The following PATJ variants were observed in gnomAD, a reference collection of about 807,000 sequenced individuals.
PATJ encodes the protein PATJ crumbs cell polarity complex component.
PATJ carries 190 observed loss-of-function variants against 224.9 expected under a neutral mutation model. The ratio of observed to expected loss-of-function variants is 0.84; its 90% CI spans 0.75 to 0.95. The LOEUF (loss-of-function observed/expected upper bound fraction) is 0.95. PATJ is among the 40% of genes least tolerant of loss of function. The pLI is 0.00. For missense variants in PATJ, 2,121 were observed against 2,270.3 expected, an observed-to-expected ratio of 0.93 and a Z score of 1.34; for synonymous variants, 769 against 820.3, an observed-to-expected ratio of 0.94 and a Z score of 1.07.
intron 21 of PATJ, among the ~76,000 whole-genome samples, chr1:61,875,713 G>C (rs1439391543): frequency 1.3e-5 from 2 of 151,992 alleles, no homozygotes; most frequent in Non-Finnish European, 2.9e-5. Flanking sequence ...AAGTAATATT[G>C]CTAGCTCATT....
intron 41 of PATJ, among the ~76,000 whole-genome samples, chr1:62,147,008 T>C (rs1414122664): frequency 1.3e-5 from 2 of 151,992 alleles, no homozygotes; most frequent in African/African-American, 4.8e-5. Flanking sequence ...AGACGTCCCA[T>C]AGATGTCTAT....
chr1:61,957,947 C>T (rs1413632555), intron 27 of PATJ, among the ~76,000 whole-genome samples: 1 of 152,066 alleles, frequency 6.6e-6, no homozygotes, highest in Non-Finnish European at 1.5e-5. Context: ...TTCTACAAAC[C>T]AAGGATAATG....
chr1:62,068,006 C>G (rs1391907545), intron 31 of PATJ, among the ~76,000 whole-genome samples: 3 of 152,004 alleles, frequency 2.0e-5, no homozygotes, highest in Non-Finnish European at 2.9e-5. Flanking sequence ...TCACCGTGTT[C>G]CCTAGGCCAG....
chr1:61,756,487 C>T (rs79110355), intron 1 of PATJ, among the ~76,000 whole-genome samples: 2,141 of 150,378 alleles, frequency 0.014, 52 homozygotes, highest in African/African-American at 0.05. Flanking sequence ...ACAAGCCCTA[C>T]AGGTGATTCT....
At chr1:61,976,727 G>T (rs1475005104) in intron 27 of PATJ, among the ~76,000 whole-genome samples, 1 of 151,796 alleles carries the variant, frequency 6.6e-6, no homozygotes. Flanking sequence ...TTTTTTAGTT[G>T]TGAAAATTTT....
At chr1:61,746,001 G>C (rs530184930) in intron 1 of PATJ, among the ~76,000 whole-genome samples, 2 of 152,050 alleles carry the variant, frequency 1.3e-5, no homozygotes, top group South Asian at 4.2e-4. Flanking sequence ...GCAGTGCCGC[G>C]ATCTCCACCC....
Position 62,116,613 on chromosome 1 carries a change from G to A in PATJ, c.4737G>A (p.Gln1579=). ...ATGGGAGATTGATTCAGGGAGATCA[G>A]ATCTTATCTGTGAATGGGGAGGACA... The part of the protein sequence containing the change: ...DLDGRLIQGD[Q]ILSVNGEDMR... Residue 1579 remains glutamine (Q), a synonymous_variant, in exon 36 of 44, where the codon CAG becomes CAA. Transcript: ENST00000642238. 1 of 1,614,090 alleles carries A rather than the reference G, an allele frequency of 6.2e-7. No individual in the cohort carries two copies.
At chr1:62,011,271 CCTCA>C (rs922447539) in intron 28 of PATJ, among the ~76,000 whole-genome samples, 1 of 152,228 alleles carries the variant, frequency 6.6e-6, no homozygotes, top group African/African-American at 2.4e-5. Flanking sequence ...GACATGCCTT[CCTCA>C]CTAAGTTTCA....
At chr1:61,889,605 T>C (rs908040840) in intron 22 of PATJ, among the ~76,000 whole-genome samples, 1 of 152,134 alleles carries the variant, frequency 6.6e-6, no homozygotes, top group Non-Finnish European at 1.5e-5. Context: ...ATCAAATAGA[T>C]CAGTACTGCA....
At chr1:62,123,819 A>T (rs1204626667) in intron 39 of PATJ, among the ~76,000 whole-genome samples, 1 of 107,890 alleles carries the variant, frequency 9.3e-6, no homozygotes, top group African/African-American at 4.3e-5. Flanking sequence ...ATTATTGAAC[A>T]ATTAGCATAT....
intron 31 of PATJ, among the ~76,000 whole-genome samples, chr1:62,060,972 G>C (rs1553255541): frequency 6.6e-6 from 1 of 151,210 alleles, no homozygotes; most frequent in Non-Finnish European, 1.5e-5. Context: ...GATTACAGGA[G>C]TGAGCCACCA....
At chr1:61,798,107 G>T (rs1369398710) in intron 11 of PATJ, among the ~76,000 whole-genome samples, 1 of 152,112 alleles carries the variant, frequency 6.6e-6, no homozygotes, top group African/African-American at 2.4e-5. Context: ...CGCCCAGCCA[G>T]GTTTCCTATT....
intron 17 of PATJ, among the ~76,000 whole-genome samples, chr1:61,844,834 C>G (rs776248263): frequency 8.5e-5 from 13 of 152,062 alleles, no homozygotes; most frequent in Non-Finnish European, 1.3e-4. Flanking sequence ...TGGAAGCTCC[C>G]CCCTCATTCT....
At chr1:62,071,783 G>A (rs980729927) in intron 31 of PATJ, among the ~76,000 whole-genome samples, 2 of 152,066 alleles carry the variant, frequency 1.3e-5, no homozygotes, top group African/African-American at 4.8e-5. Context: ...CACTGCGCCC[G>A]GCCAGGTTTG....
chr1:61,748,431 T>C (rs1645143317), intron 1 of PATJ, among the ~76,000 whole-genome samples: 1 of 151,010 alleles, frequency 6.6e-6, no homozygotes, highest in Admixed American at 6.6e-5. Flanking sequence ...ATTTTTTGTA[T>C]TTTTAGTACA....
At chr1:62,158,122 G>A (rs58040181) in intron 43 of PATJ, among the ~76,000 whole-genome samples, 2,577 of 149,644 alleles carry the variant, frequency 0.017, 114 homozygotes, top group African/African-American at 0.05. Context: ...CGGCATCTGA[G>A]AAGACTAAGT....
intron 9 of PATJ, among the ~76,000 whole-genome samples, 184 bp downstream of exon 9, chr1:61,791,631 C>T (rs1279948428): frequency 6.6e-6 from 1 of 152,128 alleles, no homozygotes; most frequent in Non-Finnish European, 1.5e-5. Context: ...AGTTTTATAG[C>T]TGGCTTGATA....
chr1:61,973,362 C>T (rs965747299), intron 27 of PATJ, among the ~76,000 whole-genome samples: 1 of 151,996 alleles, frequency 6.6e-6, no homozygotes, highest in Non-Finnish European at 1.5e-5. Flanking sequence ...ATGTACAGGG[C>T]TCTGGGCACA....
chr1:61,950,287 A>C (rs1679453831), intron 27 of PATJ, among the ~76,000 whole-genome samples: 1 of 152,196 alleles, frequency 6.6e-6, no homozygotes, highest in East Asian at 1.9e-4. Context: ...AGAACCTTAG[A>C]GCTCATTTGG....
Sources: allele counts gnomAD v4.1 joint callset (sites outside exome capture counted in the v4.1 genomes callset), GRCh38; gene constraint gnomAD v4.1.1; transcripts MANE v1.5; gene names NCBI Gene and HGNC (gene_info 2026-07-23, HGNC 2026-07-21).